Variants in CDK14 observed in about 807,000 individuals in gnomAD.
CDK14 encodes the protein cyclin dependent kinase 14, also known as cyclin-dependent kinase 14.
A neutral mutation model predicts 60.7 loss-of-function variants in CDK14; 34 were observed. The observed-to-expected ratio is 0.56, with a 90% CI of 0.43 to 0.75. The LOEUF (loss-of-function observed/expected upper bound fraction) is 0.75. Ranked by LOEUF, CDK14 falls within the 30% of genes least tolerant of loss-of-function variation. CDK14 has a pLI of 0.00. For missense variants in CDK14, 482 were observed against 564.1 expected, an observed-to-expected ratio of 0.85 and a Z score of 1.47; for synonymous variants, 197 against 203.7, an observed-to-expected ratio of 0.97 and a Z score of 0.28.
At chr7:90,601,997 G>T (rs758378702) in intron 1 of CDK14, among the ~76,000 whole-genome samples, 2 of 151,798 alleles carry the variant, frequency 1.3e-5, no homozygotes, top group Non-Finnish European at 2.9e-5. Context: ...TGTAGAGACA[G>T]GGATTCCCCC....
At chr7:91,128,483 G>A (rs1472843805) in intron 14 of CDK14, among the ~76,000 whole-genome samples, 1 of 152,148 alleles carries the variant, frequency 6.6e-6, no homozygotes, top group African/African-American at 2.4e-5. Flanking sequence ...ATAGAATGCT[G>A]TCTGAAATGT....
chr7:90,713,410 G>A (rs73220689), intron 2 of CDK14, among the ~76,000 whole-genome samples: 24,035 of 151,904 alleles, frequency 0.16, 1,990 homozygotes, highest in South Asian at 0.18. Flanking sequence ...AAATAAGCCT[G>A]CTCCTTCTTA....
intron 5 of CDK14, among the ~76,000 whole-genome samples, chr7:90,804,768 A>G (rs1280752804): frequency 6.6e-6 from 1 of 152,146 alleles, no homozygotes; most frequent in East Asian, 1.9e-4. Flanking sequence ...AAAAATTTAT[A>G]TGACATTTTG....
At chr7:90,772,952 G>GT (rs1218847105) in intron 4 of CDK14, among the ~76,000 whole-genome samples, 1 of 152,088 alleles carries the variant, frequency 6.6e-6, no homozygotes, top group African/African-American at 2.4e-5. Flanking sequence ...ACTCTGAATA[G>GT]TAAGATTACT....
intron 2 of CDK14, among the ~76,000 whole-genome samples, chr7:90,696,246 C>T (rs368109521): frequency 6.6e-6 from 1 of 151,272 alleles, no homozygotes; most frequent in Non-Finnish European, 1.5e-5. Flanking sequence ...AAGGTAGGCT[C>T]ATATTGAGAT....
chr7:90,714,929 C>T (rs1216448383), intron 2 of CDK14, among the ~76,000 whole-genome samples: 1 of 151,890 alleles, frequency 6.6e-6, no homozygotes, highest in Admixed American at 6.6e-5. Context: ...GAAGATAGTA[C>T]ACAATTTTAT....
intron 1 of CDK14, among the ~76,000 whole-genome samples, chr7:90,600,688 A>C (rs2116308617): frequency 6.6e-6 from 1 of 152,358 alleles, no homozygotes; most frequent in East Asian, 1.9e-4. Context: ...CAGACACAAA[A>C]TTTAACTGTT....
chr7:91,037,798 C>A (rs1015030957), intron 10 of CDK14, among the ~76,000 whole-genome samples: 1 of 152,210 alleles, frequency 6.6e-6, no homozygotes, highest in African/African-American at 2.4e-5. Context: ...TGCCCAGACG[C>A]TCTTCTCTGA....
At chr7:90,944,723 T>A (rs1794047396) in intron 8 of CDK14, among the ~76,000 whole-genome samples, 1 of 152,094 alleles carries the variant, frequency 6.6e-6, no homozygotes, top group Admixed American at 6.5e-5. Context: ...CAGAGTAAGA[T>A]CCTTTCTCAA....
chr7:91,048,288 T>C (rs1398966119), intron 11 of CDK14, among the ~76,000 whole-genome samples: 2 of 152,198 alleles, frequency 1.3e-5, no homozygotes, highest in Non-Finnish European at 2.9e-5. Context: ...ATCTTGTTTT[T>C]CTCATTAATG....
At chr7:90,772,154 T>A (rs1315712056) in intron 4 of CDK14, among the ~76,000 whole-genome samples, 3 of 152,150 alleles carry the variant, frequency 2.0e-5, no homozygotes, top group Admixed American at 2.0e-4. Flanking sequence ...TTTGATTGGT[T>A]GTTTTCTGTC....
At chr7:90,723,547 C>G (rs1251338427) in intron 2 of CDK14, among the ~76,000 whole-genome samples, 3 of 152,170 alleles carry the variant, frequency 2.0e-5, no homozygotes, top group Admixed American at 2.0e-4. Context: ...ATAGAAGAAA[C>G]ATTGTTCTTA....
At chr7:90,721,652 T>G (rs992401498) in intron 2 of CDK14, among the ~76,000 whole-genome samples, 1 of 152,158 alleles carries the variant, frequency 6.6e-6, no homozygotes, top group Non-Finnish European at 1.5e-5. Context: ...CTTTCCTTAC[T>G]GGAGAACTGG....
At chr7:90,630,646 T>C (rs944259134) in intron 2 of CDK14, among the ~76,000 whole-genome samples, 1 of 152,222 alleles carries the variant, frequency 6.6e-6, no homozygotes, top group Non-Finnish European at 1.5e-5. Flanking sequence ...TGAATTATTA[T>C]GTATATAACT....
At chr7:90,596,764 G>C in intron 1 of CDK14, 46 bp downstream of exon 1, 1 of 1,494,404 alleles carries the variant, frequency 6.7e-7, no homozygotes, top group Middle Eastern at 1.9e-4. Flanking sequence ...CGCTCCCCTC[G>C]GCCTGCGCCC....
intron 4 of CDK14, among the ~76,000 whole-genome samples, chr7:90,758,014 A>G (rs1228544121): frequency 1.3e-5 from 2 of 152,234 alleles, no homozygotes; most frequent in Non-Finnish European, 2.9e-5. Flanking sequence ...TCTCTTATCC[A>G]TGTAGGAACA....
In CDK14 at chr7:90,670,815, G is replaced by A. The variant is rs532832640; in HGVS notation, c.124-55752G>A. ...AGTCTTACATTTCAACATGAAATTCGGGTGGGACAGATATCCAAATCATAT... is the reference window on the plus strand; with the variant it reads ...AGTCTTACATTTCAACATGAAATTCAGGTGGGACAGATATCCAAATCATAT... On this transcript the variant is annotated intron_variant, in intron 2 of 14. Transcript: ENST00000380050. Among the ~76,000 whole-genome samples, 171 of 152,180 alleles carry A rather than the reference G, an allele frequency of 1.1e-3. 1 individual carries two copies. The highest frequency in any genetic ancestry group is 3.8e-3 in the African/African-American group (159 of 41,512).
chr7:91,072,202 C>T (rs1483468100), intron 11 of CDK14, among the ~76,000 whole-genome samples: 1 of 152,166 alleles, frequency 6.6e-6, no homozygotes, highest in African/African-American at 2.4e-5. Context: ...GCTCCCCGTG[C>T]CACCCAACTG....
chr7:90,835,891 C>A (rs1584028192), intron 5 of CDK14, among the ~76,000 whole-genome samples: 2 of 152,202 alleles, frequency 1.3e-5, no homozygotes, highest in Non-Finnish European at 2.9e-5. Flanking sequence ...CGGTTACAAA[C>A]CTCTACAGCA....
Sources: gnomAD v4.1 joint callset for allele counts (sites outside exome capture counted in the v4.1 genomes callset) on GRCh38, gnomAD v4.1.1 for gene constraint, MANE v1.5 for transcripts, NCBI Gene and HGNC (gene_info 2026-07-23, HGNC 2026-07-21) for gene names.